The following HSP90AA1 variants were observed in gnomAD, a reference collection of about 807,000 sequenced individuals.
The protein encoded by HSP90AA1 is heat shock protein 90 alpha family class A member 1, also known as heat shock protein HSP 90-alpha.
HSP90AA1 carries 18 observed loss-of-function variants against 73.3 expected under a neutral mutation model. The ratio of observed to expected loss-of-function variants is 0.25; its 90% CI spans 0.17 to 0.36. HSP90AA1 has a LOEUF of 0.36. Ranked by LOEUF, HSP90AA1 falls within the 10% of genes least tolerant of loss-of-function variation. HSP90AA1 has a pLI of 1.00. For synonymous variants in HSP90AA1, 477 were observed against 296.9 expected (o/e 1.61, Z -6.24); for missense variants, 704 against 874.2 (o/e 0.81, Z 2.45).
chr14:102,139,175 G>GTA, intron 1 of HSP90AA1: 1 of 1,541,324 alleles, frequency 6.5e-7, no homozygotes, highest in Non-Finnish European at 8.9e-7. Flanking sequence ...CACCTATGCT[G>GTA]TACCACATTC....
chr14:102,104,840 C>G (rs1296227799), intron 1 of HSP90AA1, among the ~76,000 whole-genome samples: 4 of 151,764 alleles, frequency 2.6e-5, no homozygotes, highest in African/African-American at 9.7e-5. Context: ...ATTTGTCTTC[C>G]TGTACCTGGC....
At chr14:102,120,902 C>A (rs1467114901) in intron 1 of HSP90AA1, among the ~76,000 whole-genome samples, 2 of 151,638 alleles carry the variant, frequency 1.3e-5, no homozygotes, top group Non-Finnish European at 2.9e-5. Context: ...TGCACCACTG[C>A]ACTCCAGCCT....
At chr14:102,136,004 G>A (rs2049989286) in intron 1 of HSP90AA1, among the ~76,000 whole-genome samples, 1 of 152,260 alleles carries the variant, frequency 6.6e-6, no homozygotes, top group African/African-American at 2.4e-5. Flanking sequence ...CCACCAAAGT[G>A]GGAGCCCAGG....
chr14:102,118,652 T>C (rs1460465234), intron 1 of HSP90AA1, among the ~76,000 whole-genome samples: 1 of 152,168 alleles, frequency 6.6e-6, no homozygotes, highest in African/African-American at 2.4e-5. Context: ...TTAAATAATA[T>C]TAATAACATT....
intron 1 of HSP90AA1, among the ~76,000 whole-genome samples, chr14:102,129,934 G>C (rs574207736): frequency 1.3e-5 from 2 of 152,034 alleles, no homozygotes; most frequent in Non-Finnish European, 2.9e-5. Flanking sequence ...ATGCCGCTGT[G>C]AACATTCACG....
chr14:102,118,260 G>A (rs2049731535), intron 1 of HSP90AA1, among the ~76,000 whole-genome samples: 2 of 152,040 alleles, frequency 1.3e-5, no homozygotes, highest in South Asian at 4.1e-4. Flanking sequence ...TAACCCCTAA[G>A]GTCCTGCAAC....
At chr14:102,091,444 G>A (rs1432467553), upstream of HSP90AA1, among the ~76,000 whole-genome samples, 1 of 151,958 alleles carries the variant, frequency 6.6e-6, no homozygotes, top group Non-Finnish European at 1.5e-5. Context: ...ACAACATGGT[G>A]AAACCCCATC....
At chr14:102,091,173 A>C (rs1414512274), upstream of HSP90AA1, among the ~76,000 whole-genome samples, 1 of 152,140 alleles carries the variant, frequency 6.6e-6, no homozygotes, top group East Asian at 1.9e-4. Flanking sequence ...GCAGTTTCTT[A>C]GTCCTCTCGA....
intron 1 of HSP90AA1, among the ~76,000 whole-genome samples, chr14:102,137,087 G>A (rs1354559097): frequency 2.6e-5 from 4 of 151,540 alleles, no homozygotes; most frequent in Non-Finnish European, 5.9e-5. Context: ...GGTGGCATGC[G>A]CCTGTAATCC....
chr14:102,134,232 G>C (rs1264199589), intron 1 of HSP90AA1, among the ~76,000 whole-genome samples: 3 of 151,034 alleles, frequency 2.0e-5, no homozygotes, highest in Non-Finnish European at 4.4e-5. Flanking sequence ...CAGCTACTTG[G>C]GAGGTTTGCC....
chr14:102,123,232 T>C (rs1020814639), intron 1 of HSP90AA1, among the ~76,000 whole-genome samples: 4 of 151,630 alleles, frequency 2.6e-5, no homozygotes. Context: ...CCATTTCTAC[T>C]AAAAATACAA....
intron 9 of HSP90AA1, 22 bp downstream of exon 9, chr14:102,083,012 A>G (rs760188380): frequency 1.7e-5 from 27 of 1,608,888 alleles, no homozygotes; most frequent in Non-Finnish European, 2.3e-5. Context: ...ATCAATGATC[A>G]GGAAATGCTG....
upstream of HSP90AA1, among the ~76,000 whole-genome samples, chr14:102,091,562 G>C (rs1247596435): frequency 5.9e-5 from 9 of 151,920 alleles, no homozygotes; most frequent in African/African-American, 1.7e-4. Context: ...GGAGGCAGAG[G>C]CTGCAGTGAG....
intron 1 of HSP90AA1, among the ~76,000 whole-genome samples, chr14:102,128,154 G>A (rs2049860563): frequency 6.6e-6 from 1 of 152,142 alleles, no homozygotes; most frequent in Non-Finnish European, 1.5e-5. Flanking sequence ...TCCTAGAGGA[G>A]ACCAGGAATT....
chr14:102,090,540 C>T (rs1406162675), upstream of HSP90AA1, among the ~76,000 whole-genome samples: 2 of 152,064 alleles, frequency 1.3e-5, no homozygotes, highest in Non-Finnish European at 2.9e-5. Flanking sequence ...AGCTCCGCCT[C>T]CCGGGTTCAC....
At chr14:102,093,544 A>G (rs1380832220) in intron 2 of HSP90AA1, among the ~76,000 whole-genome samples, 3 of 151,752 alleles carry the variant, frequency 2.0e-5, no homozygotes, top group Non-Finnish European at 4.4e-5. Flanking sequence ...GAAAGATGGC[A>G]TCAGTTAAAG....
intron 2 of HSP90AA1, among the ~76,000 whole-genome samples, chr14:102,092,490 C>T (rs2049372129): frequency 6.6e-6 from 1 of 151,974 alleles, no homozygotes. Flanking sequence ...TTTAAATGTT[C>T]TTTTTGAAAA....
In HSP90AA1 at chr14:102,139,361, G is replaced by A. The variant is rs765294067; in HGVS notation, c.44C>T (p.Pro15Leu). The change falls in exon 1 of 12, where the codon CCC becomes CTC. Residue 15 changes from proline to leucine, a missense_variant. Coordinates refer to the HSP90AA1 transcript ENST00000334701. ...GGGACAGTCCCTGTCCCGAAGGGAG[G>A]GCCCAGGAGGGGTGGAGCCGTCCCC... is the stretch of plus-strand genomic sequence containing the variant. The A allele has an allele frequency of 1.9e-6, 3 of 1,607,016 alleles. No homozygotes were observed. The South Asian group carries it at 3.3e-5, about 18-fold the overall frequency.
chr14:102,131,630 T>G (rs1481345774), intron 1 of HSP90AA1, among the ~76,000 whole-genome samples: 2 of 152,214 alleles, frequency 1.3e-5, no homozygotes, highest in Non-Finnish European at 2.9e-5. Context: ...CTTTTCCCAG[T>G]TCTTCCCATG....
Sources: allele counts gnomAD v4.1 joint callset (sites outside exome capture counted in the v4.1 genomes callset), GRCh38; gene constraint gnomAD v4.1.1; transcripts MANE v1.5; gene names NCBI Gene and HGNC (gene_info 2026-07-23, HGNC 2026-07-21).